Variants in HIP1 observed in about 807,000 individuals in gnomAD.
HIP1 encodes the protein huntingtin-interacting protein 1.
A neutral mutation model predicts 147.6 loss-of-function variants in HIP1; 65 were observed. The ratio of observed to expected loss-of-function variants is 0.44; its 90% CI spans 0.36 to 0.54. The LOEUF is 0.54. Ranked by LOEUF, HIP1 falls within the 20% of genes least tolerant of loss-of-function variation. The pLI, the probability that HIP1 is intolerant of heterozygous loss-of-function variation, is 0.00. For missense variants in HIP1, 1,061 were observed against 1,299.6 expected, an observed-to-expected ratio of 0.82 and a Z score of 2.82; for synonymous variants, 479 against 504.0, an observed-to-expected ratio of 0.95 and a Z score of 0.67.
rs1005611112 is a variant in HIP1, at chr7:75,573,876, G to A, written c.630C>T (p.Arg210=). Residue 210 remains arginine (R), a synonymous_variant, in exon 8 of 31, where the codon CGC becomes CGT. Transcript: ENST00000336926. ...GCCCTGCTGCCGTCACGGACACAGA[G>A]CGGGACATGTCCAGGGAGTTGAATA... ...QTVFNSLDMS[R]SVSVTAAGQC... is the part of the protein sequence containing the mutation. 6 of 1,613,990 alleles carry A rather than the reference G, an allele frequency of 3.7e-6. No individual in the cohort carries two copies. In the African/African-American group the frequency reaches 4.0e-5, roughly 11 times the overall value.
intron 4 of HIP1, among the ~76,000 whole-genome samples, chr7:75,587,831 G>T (rs1796341460): frequency 6.6e-6 from 1 of 152,154 alleles, no homozygotes; most frequent in South Asian, 2.1e-4. Flanking sequence ...GGGCATGGTG[G>T]TGTGCACCTG....
At position 75,670,767 on chromosome 7, in the gene HIP1, T is replaced by A. The variant is rs1392803044; in HGVS notation, c.120+68034A>T. On this transcript the variant is annotated intron_variant, in intron 1 of 30. Transcript: ENST00000336926. Reference sequence around the variant, plus strand: ...TAGCTGGGACTACAGGCATGCTCACTGTACTCAGCTAATTAAAACTTTTTT... The same window carrying A: ...TAGCTGGGACTACAGGCATGCTCACAGTACTCAGCTAATTAAAACTTTTTT... Among the ~76,000 whole-genome samples, 3 of 148,272 alleles carry A rather than the reference T, an allele frequency of 2.0e-5. No individual in the cohort carries two copies. In the East Asian group the frequency reaches 5.9e-4, roughly 29 times the overall value.
Position 75,592,098 on chromosome 7 carries a change from A to G in HIP1, c.342T>C (p.Ser114=), listed in dbSNP as rs1554500898. The G allele has an allele frequency of 1.9e-6, 3 of 1,613,940 alleles. No homozygotes were observed. The highest frequency in any genetic ancestry group is 2.2e-5 in the South Asian group (2 of 91,094). The change falls in exon 4 of 31, where the codon TCT becomes TCC. Residue 114 remains serine (S), a synonymous_variant. Coordinates refer to ENST00000336926, the MANE Select transcript of HIP1 (RefSeq NM_005338.7). The stretch of plus-strand genomic sequence containing the variant: ...CACTCAATTCATTTCTGTATCTCAG[A>G]GAGTCCTTCAGGACCTGCAGGGGCA... ...RDGHPNVLKD[S]LRYRNELSDM... is the part of the protein sequence containing the mutation.
At chr7:75,562,896 G>A (rs1554494832) in intron 11 of HIP1, 39 bp downstream of exon 11, 1 of 1,610,010 alleles carries the variant, frequency 6.2e-7, no homozygotes, top group Admixed American at 1.7e-5. Flanking sequence ...ACTTGCAGGT[G>A]AGAGGAAAGG....
rs1321787948 is a variant in HIP1, at chr7:75,664,039, C to T, written c.121-64792G>A. ...ATACACATATATGTGTATATATATA[C>T]ACATATATGTGTATATACACATATA... On this transcript the variant is annotated intron_variant, in intron 1 of 30. Coordinates refer to ENST00000336926, the MANE Select transcript of HIP1 (RefSeq NM_005338.7). Among the ~76,000 whole-genome samples, 33 of 23,822 alleles carry T rather than the reference C, an allele frequency of 1.4e-3. 9 individuals are homozygous for T. The highest frequency in any genetic ancestry group is 0.014 in the African/African-American group (30 of 2,208). The allele number at this position is 23,822 out of a possible 152,430, so 15.6% of individuals were successfully genotyped here.
At chr7:75,708,438 C>T (rs368728337) in intron 1 of HIP1, among the ~76,000 whole-genome samples, 10 of 152,182 alleles carry the variant, frequency 6.6e-5, no homozygotes, top group South Asian at 6.2e-4. Flanking sequence ...TCAAATGTCA[C>T]GACAGTTTTG....
At chr7:75,649,592 C>A (rs2117183301) in intron 1 of HIP1, among the ~76,000 whole-genome samples, 1 of 152,206 alleles carries the variant, frequency 6.6e-6, no homozygotes, top group South Asian at 2.1e-4. Flanking sequence ...AAGCCTGGGC[C>A]CCGCCCCAGG....
chr7:75,726,040 T>C (rs1031277678), intron 1 of HIP1, among the ~76,000 whole-genome samples: 10 of 152,128 alleles, frequency 6.6e-5, no homozygotes, highest in Non-Finnish European at 7.4e-5. Context: ...GACGCGGTTT[T>C]ACCATGTTGA....
At chr7:75,714,506 G>T (rs546347813) in intron 1 of HIP1, among the ~76,000 whole-genome samples, 18 of 149,358 alleles carry the variant, frequency 1.2e-4, no homozygotes, top group Admixed American at 2.0e-4. Context: ...AGGCTGGAGT[G>T]CAGTGGCACA....
At chr7:75,562,434 G>A (rs191562017) in intron 11 of HIP1, among the ~76,000 whole-genome samples, 41 of 152,166 alleles carry the variant, frequency 2.7e-4, no homozygotes, top group African/African-American at 8.7e-4. Context: ...AAGTATAGGT[G>A]TGTGCCACCA....
At chr7:75,577,333 A>AAAAAAAAAAAC (rs1491232181) in intron 7 of HIP1, among the ~76,000 whole-genome samples, 990 of 74,116 alleles carry the variant, frequency 0.013, 22 homozygotes, top group Middle Eastern at 0.037. Flanking sequence ...TCCCATCTCC[A>AAAAAAAAAAAC]AAAAAAAAAA....
chr7:75,688,032 A>T (rs1219415663), intron 1 of HIP1, among the ~76,000 whole-genome samples: 17 of 152,072 alleles, frequency 1.1e-4, no homozygotes, highest in Admixed American at 7.2e-4. Context: ...AACTAGAAAG[A>T]GGCCTCCTGT....
At chr7:75,693,359 G>A (rs907976884) in intron 1 of HIP1, among the ~76,000 whole-genome samples, 3 of 151,876 alleles carry the variant, frequency 2.0e-5, no homozygotes, top group African/African-American at 4.8e-5. Flanking sequence ...GGCATTCTGC[G>A]GGGCGCCTGG....
chr7:75,546,183 A>T (rs782746009), intron 25 of HIP1, among the ~76,000 whole-genome samples: 2 of 151,186 alleles, frequency 1.3e-5, no homozygotes, highest in Non-Finnish European at 2.9e-5. Context: ...CAAAAAAAGG[A>T]GACTACACAG....
rs145671932 is a variant in HIP1 at position 75,553,720 on chromosome 7, C to T, written c.2159-131G>A. Reference sequence around the variant, plus strand: ...TCCTGAGTTCAAGCGATTCTCCTGCCTCGGCCTCCCAAGTAGCTGGGATTA... The same window carrying T: ...TCCTGAGTTCAAGCGATTCTCCTGCTTCGGCCTCCCAAGTAGCTGGGATTA... On this transcript the variant is annotated intron_variant, in intron 21 of 30. Transcript: ENST00000336926. 3.1e-4 allele frequency: 253 copies of T among 808,404 alleles called. 3 individuals carry two copies. In the East Asian group the frequency reaches 6.5e-3, roughly 21 times the overall value. The allele number at this position is 808,404 out of a possible 1,614,324, so 50.1% of individuals were successfully genotyped here. A position where few individuals can be genotyped will look rare whatever the true frequency, so the allele number is the denominator to read the frequency against.
Position 75,536,428 on chromosome 7 carries a change from C to G in HIP1, c.*1744G>C, listed in dbSNP as rs1320861447. 4.4e-6 allele frequency: 1 copy of G among 228,138 alleles called. No homozygotes were observed. The highest frequency in any genetic ancestry group is 8.7e-6 in the Non-Finnish European group (1 of 114,978). The allele number at this position is 228,138 out of a possible 1,614,324, so 14.1% of individuals were successfully genotyped here. A position where few individuals can be genotyped will look rare whatever the true frequency, so the allele number is the denominator to read the frequency against. On this transcript the variant is annotated 3_prime_UTR_variant, in exon 31 of 31. Coordinates refer to ENST00000336926, the MANE Select transcript of HIP1 (RefSeq NM_005338.7). ...CAACCCGTCATGTAGCAAAACCTAG[C>G]AATATTCTGTTGGAGCAGATCCTGG... is the stretch of plus-strand genomic sequence containing the variant.
chr7:75,592,120 G>A lies in HIP1; in HGVS notation c.328-8C>T, dbSNP rs781995697. The A allele has an allele frequency of 1.9e-6, 3 of 1,612,204 alleles. No individual in the cohort carries two copies. Among genetic ancestry groups the A allele is most frequent in the Middle Eastern group, 1.6e-4 (1 of 6,076 alleles). ...CAGAGAGTCCTTCAGGACCTGCAGG[G>A]GCAAAAGAACAGCCTGTGAGAGAAT... On this transcript the variant is annotated splice_polypyrimidine_tract_variant and splice_region_variant and intron_variant, in intron 3 of 30. Coordinates refer to ENST00000336926, the MANE Select transcript of HIP1 (RefSeq NM_005338.7).
At chr7:75,546,548 G>A (rs1794571473) in intron 25 of HIP1, among the ~76,000 whole-genome samples, 1 of 152,342 alleles carries the variant, frequency 6.6e-6, no homozygotes, top group African/African-American at 2.4e-5. Context: ...ATTTGTAAGG[G>A]TGAGTTGACT....
intron 1 of HIP1, among the ~76,000 whole-genome samples, chr7:75,617,026 C>T (rs1157573686): frequency 6.6e-6 from 1 of 151,922 alleles, no homozygotes; most frequent in African/African-American, 2.4e-5. Context: ...CCACCTCAGC[C>T]TCCCAAAATA....
Sources: allele counts gnomAD v4.1 joint callset (sites outside exome capture counted in the v4.1 genomes callset), GRCh38; gene constraint gnomAD v4.1.1; transcripts MANE v1.5; gene names NCBI Gene and HGNC (gene_info 2026-07-23, HGNC 2026-07-21).